Variants in FAF2 observed in about 807,000 individuals in gnomAD.
The protein encoded by FAF2 is FAS-associated factor 2.
A neutral mutation model predicts 62.3 loss-of-function variants in FAF2; 9 were observed. The observed-to-expected ratio is 0.14, with a 90% CI of 0.09 to 0.25. The LOEUF is 0.25. Among genes scored for constraint, FAF2 ranks in the 10% least tolerant of loss-of-function variants. The pLI is 1.00. For missense variants in FAF2, 368 were observed against 556.2 expected (o/e 0.66, Z 3.40); for synonymous variants, 202 against 198.0 (o/e 1.02, Z -0.17).
At chr5:176,460,513 C>CGTGTGTGTGTGTGTGT (rs747582699) in intron 1 of FAF2, among the ~76,000 whole-genome samples, 2 of 132,626 alleles carry the variant, frequency 1.5e-5, no homozygotes, top group East Asian at 2.2e-4. Flanking sequence ...TTTTTGGCCG[C>CGTGTGTGTGTGTGTGT]GTGTGTGTGT....
At chr5:176,490,678 C>G (rs1483813139) in intron 4 of FAF2, among the ~76,000 whole-genome samples, 1 of 152,172 alleles carries the variant, frequency 6.6e-6, no homozygotes, top group Non-Finnish European at 1.5e-5. Flanking sequence ...TTCATGATCA[C>G]TAATTGCTTA....
In FAF2 at chr5:176,508,076, A is replaced by AGG. The variant is rs1404320479; in HGVS notation, c.*1128_*1129dup. 3 of 152,646 alleles carry AGG rather than the reference A, an allele frequency of 2.0e-5. No homozygotes were observed. The highest frequency in any genetic ancestry group is 2.0e-4 in the Admixed American group (3 of 15,286). The allele number at this position is 152,646 out of a possible 1,614,324, so 9.5% of individuals were successfully genotyped here. ...TTAAGGATAGAACCAGAGGCCTTGA[A>AGG]GGGAGCCAAGACAGAACTCCCAGCC... On this transcript the variant is annotated 3_prime_UTR_variant, in exon 11 of 11. Transcript: ENST00000261942.
intron 1 of FAF2, among the ~76,000 whole-genome samples, chr5:176,451,821 TATATATACATATATATATATACACAC>T (rs1758179561): frequency 1.4e-4 from 8 of 56,628 alleles, no homozygotes; most frequent in African/African-American, 6.0e-4. Context: ...CACACATATA[TATATATACATATATATATATACACAC>T]ATATATATAC....
At chr5:176,451,892 A>ATAT (rs1561813667) in intron 1 of FAF2, among the ~76,000 whole-genome samples, 6 of 21,678 alleles carry the variant, frequency 2.8e-4, no homozygotes, top group South Asian at 1.6e-3. Context: ...ATATATATAT[A>ATAT]TTTTTTTTTT....
At chr5:176,506,691 G>T (rs79663231) in intron 10 of FAF2, 77 bp from the exon 11 acceptor site, 2 of 122,878 alleles carry the variant, frequency 1.6e-5, no homozygotes, top group East Asian at 2.2e-4. Context: ...CTTCAGAGTT[G>T]TGTGTGCGTG....
At chr5:176,457,650 A>AGG (rs1554131307) in intron 1 of FAF2, among the ~76,000 whole-genome samples, 7 of 92,534 alleles carry the variant, frequency 7.6e-5, no homozygotes, top group African/African-American at 2.6e-4. Flanking sequence ...AACTGTTTTC[A>AGG]GGGGTGTGTG....
intron 10 of FAF2, among the ~76,000 whole-genome samples, chr5:176,500,597 G>A (rs1755576105): frequency 6.6e-6 from 1 of 152,126 alleles, no homozygotes; most frequent in African/African-American, 2.4e-5. Flanking sequence ...TTTGGATGCA[G>A]TTGTCTCTCT....
At chr5:176,476,233 C>CT (rs1277986897) in intron 1 of FAF2, among the ~76,000 whole-genome samples, 1 of 152,020 alleles carries the variant, frequency 6.6e-6, no homozygotes, top group Non-Finnish European at 1.5e-5. Flanking sequence ...GCACTCCAGC[C>CT]TGGACAACAG....
chr5:176,486,223 G>A (rs1393062937), intron 2 of FAF2, 132 bp from the exon 3 acceptor site: 20 of 1,060,194 alleles, frequency 1.9e-5, no homozygotes, highest in Admixed American at 4.9e-5. Flanking sequence ...CCATGAAGGT[G>A]CACTCCTCAG....
intron 1 of FAF2, among the ~76,000 whole-genome samples, chr5:176,459,007 A>G (rs929731933): frequency 6.6e-6 from 1 of 152,142 alleles, no homozygotes; most frequent in Non-Finnish European, 1.5e-5. Context: ...TGTCATAATA[A>G]TAAAATAATT....
At position 176,486,579 on chromosome 5, in the gene FAF2, C is replaced by T. The variant is rs1758878994; in HGVS notation, c.267+90C>T. The T allele has an allele frequency of 2.2e-6, 3 of 1,340,484 alleles. No homozygotes were observed. The East Asian group carries it at 7.1e-5, about 32-fold the overall frequency. 83.0% of individuals were successfully genotyped at this position (1,340,484 alleles called of 1,614,324 possible). ...TGATCTCCCTGTGACAGGAGCAAAA[C>T]AAATATTTAGAATGTAAACCTGTTA... On this transcript the variant is annotated intron_variant, in intron 3 of 10. Coordinates refer to ENST00000261942, the MANE Select transcript of FAF2 (RefSeq NM_014613.3).
chr5:176,465,196 T>G (rs916922770), intron 1 of FAF2, among the ~76,000 whole-genome samples: 2 of 151,928 alleles, frequency 1.3e-5, no homozygotes, highest in African/African-American at 4.8e-5. Flanking sequence ...TGGCCAGATA[T>G]GTACCATTTT....
At chr5:176,460,614 C>T (rs144792652) in intron 1 of FAF2, among the ~76,000 whole-genome samples, 92 of 151,270 alleles carry the variant, frequency 6.1e-4, no homozygotes, top group Non-Finnish European at 1.0e-3. Context: ...GGCATGATCT[C>T]AGCTCACTGC....
In FAF2 at chr5:176,509,526, G is replaced by A. The variant is rs1755743157; in HGVS notation, c.*2576G>A. ...GTTGTAGATTGAGCTGAATAACCAT[G>A]GGAAGTGACCAAGCAAAGACACTCG... On this transcript the variant is annotated 3_prime_UTR_variant, in exon 11 of 11. Coordinates refer to ENST00000261942, the MANE Select transcript of FAF2 (RefSeq NM_014613.3). The A allele has an allele frequency of 6.6e-6, 1 of 152,496 alleles. No homozygotes were observed. The highest frequency in any genetic ancestry group is 6.6e-5 in the Admixed American group (1 of 15,264). 9.4% of individuals were successfully genotyped at this position (152,496 alleles called of 1,614,324 possible).
At position 176,451,892 on chromosome 5, in the gene FAF2, ATTTTTT is replaced by A. The variant is rs1174600881; in HGVS notation, c.63+3446_63+3451del. ...TATACACACATATATATATATATAT[ATTTTTT>A]TTTTTTTTTTTTTTTTTTTTTTTGA... is the stretch of plus-strand genomic sequence containing the variant. On this transcript the variant is annotated intron_variant, in intron 1 of 10. Transcript: ENST00000261942. 7.0e-3 allele frequency among the ~76,000 whole-genome samples: 149 copies of A among 21,374 alleles called. 2 individuals carry two copies. Among genetic ancestry groups the A allele is most frequent in the South Asian group, 9.5e-3 (6 of 630 alleles). The allele number at this position is 21,374 out of a possible 152,430, so 14.0% of individuals were successfully genotyped here.
rs139025062 is a variant in FAF2 at position 176,482,895 on chromosome 5, T to TTTG, written c.133-3439_133-3437dup. Among the ~76,000 whole-genome samples the TTTG allele has an allele frequency of 2.6e-3, 393 of 151,548 alleles. 2 individuals carry two copies. Among genetic ancestry groups the TTTG allele is most frequent in the East Asian group, 0.019 (99 of 5,144 alleles). ...TACTCTCTTGATAGTGGTTTGTGGT[T>TTTG]TTGTTGTTGTTGTTGTTGTTGTTTG... On this transcript the variant is annotated intron_variant, in intron 2 of 10. Transcript: ENST00000261942.
At chr5:176,487,836 T>G (rs1475925054) in intron 3 of FAF2, among the ~76,000 whole-genome samples, 2 of 151,946 alleles carry the variant, frequency 1.3e-5, no homozygotes, top group Non-Finnish European at 2.9e-5. Flanking sequence ...TTATTTTAGG[T>G]TTTTATGTTT....
At chr5:176,486,215 A>G in intron 2 of FAF2, 140 bp from the exon 3 acceptor site, 2 of 969,960 alleles carry the variant, frequency 2.1e-6, no homozygotes, top group South Asian at 3.4e-5. Flanking sequence ...TAACAGGCCC[A>G]TGAAGGTGCA....
intron 8 of FAF2, among the ~76,000 whole-genome samples, chr5:176,497,620 C>T (rs192041341): frequency 2.2e-4 from 33 of 152,084 alleles, no homozygotes; most frequent in South Asian, 8.3e-4. Context: ...AGATTATTTT[C>T]GGTTTGTTAC....
Sources: allele counts gnomAD v4.1 joint callset (sites outside exome capture counted in the v4.1 genomes callset), GRCh38; gene constraint gnomAD v4.1.1; transcripts MANE v1.5; gene names NCBI Gene and HGNC (gene_info 2026-07-23, HGNC 2026-07-21).